ZFHX3: variants seen among roughly 807,000 people sequenced by gnomAD.
ZFHX3 encodes the protein zinc finger homeobox 3, also known as zinc finger homeobox protein 3.
ZFHX3 carries 42 observed loss-of-function variants against 279.1 expected under a neutral mutation model. The observed-to-expected ratio is 0.15, with a 90% CI of 0.12 to 0.19. The LOEUF (loss-of-function observed/expected upper bound fraction) is 0.19, where lower values mean the gene tolerates loss of function less well. ZFHX3 is among the 10% of genes least tolerant of loss of function. The pLI is 1.00. For missense variants in ZFHX3, 4,981 were observed against 4,754.0 expected (o/e 1.05, Z -1.40); for synonymous variants, 2,293 against 1,957.8 (o/e 1.17, Z -4.52).
chr16:73,331,112 G>A (rs926523429), intron 3 of ZFHX3, among the ~76,000 whole-genome samples: 9 of 152,174 alleles, frequency 5.9e-5, no homozygotes, highest in African/African-American at 2.2e-4. Context: ...TTACAATCAT[G>A]GTGGAAGGGG....
chr16:73,430,093 T>C (rs545420786), intron 3 of ZFHX3, among the ~76,000 whole-genome samples: 1 of 152,214 alleles, frequency 6.6e-6, no homozygotes, highest in East Asian at 1.9e-4. Flanking sequence ...TCTTGCTATG[T>C]TGCCCAGGCT....
chr16:73,668,907 T>G (rs899274463), intron 2 of ZFHX3, among the ~76,000 whole-genome samples: 1 of 152,118 alleles, frequency 6.6e-6, no homozygotes, highest in African/African-American at 2.4e-5. Context: ...AAACAACAGA[T>G]GCTGGAGAGG....
chr16:73,724,207 T>A (rs1279234405), intron 1 of ZFHX3, among the ~76,000 whole-genome samples: 3 of 152,204 alleles, frequency 2.0e-5, no homozygotes, highest in Non-Finnish European at 4.4e-5. Flanking sequence ...TACCCTCACA[T>A]AACCAAATAA....
intron 1 of ZFHX3, among the ~76,000 whole-genome samples, chr16:73,849,905 G>A (rs1458463113): frequency 6.6e-6 from 1 of 152,136 alleles, no homozygotes; most frequent in African/African-American, 2.4e-5. Context: ...GCTAATTTTT[G>A]TATTTTTAGT....
intron 3 of ZFHX3, among the ~76,000 whole-genome samples, chr16:73,362,518 C>T (rs1202200810): frequency 6.6e-6 from 1 of 152,194 alleles, no homozygotes; most frequent in Non-Finnish European, 1.5e-5. Context: ...CAGACACACA[C>T]CACACACTTC....
chr16:72,950,389 C>A, intron 3 of ZFHX3, 80 bp downstream of exon 3: 3 of 1,558,528 alleles, frequency 1.9e-6, no homozygotes, highest in South Asian at 1.2e-5. Context: ...TCCGACTCCT[C>A]CCCAGTGCTC....
At chr16:73,412,462 A>G (rs2017490366) in intron 3 of ZFHX3, among the ~76,000 whole-genome samples, 1 of 151,860 alleles carries the variant, frequency 6.6e-6, no homozygotes, top group Non-Finnish European at 1.5e-5. Flanking sequence ...TGTCATGGCC[A>G]TGTTCTTTGT....
intron 3 of ZFHX3, among the ~76,000 whole-genome samples, chr16:72,937,570 G>A (rs1328547405): frequency 2.0e-5 from 3 of 152,188 alleles, no homozygotes; most frequent in Non-Finnish European, 4.4e-5. Flanking sequence ...TGGGCAATGC[G>A]GCCTTGGGCC....
At position 72,787,779 on chromosome 16, in the gene ZFHX3, C is replaced by G. The variant is rs1394097401; in HGVS notation, c.10497G>C (p.Glu3499Asp). 1 of 1,570,366 alleles carries G rather than the reference C, an allele frequency of 6.4e-7. No homozygotes were observed. Among genetic ancestry groups the G allele is most frequent in the Non-Finnish European group, 8.6e-7 (1 of 1,158,508 alleles). The change falls in exon 10 of 10, where the codon GAG becomes GAC. Residue 3499 changes from glutamate (E) to aspartate (D), a missense_variant. Glu to Asp is a conservative substitution (Grantham distance 45). Coordinates refer to ENST00000268489, the MANE Select transcript of ZFHX3 (RefSeq NM_006885.4). ...FFGQSVVNLQ[E>D]MVLHVPTGGG... ...CGCCGGTGGGGACGTGAAGCACCAT[C>G]TCTTGCAGGTTCACCACAGACTGGC... is the stretch of plus-strand genomic sequence containing the variant.
chr16:73,619,499 A>ATT (rs1567534668), intron 2 of ZFHX3, among the ~76,000 whole-genome samples: 1 of 121,260 alleles, frequency 8.2e-6, no homozygotes, highest in African/African-American at 3.7e-5. Flanking sequence ...AAAAAAAAAA[A>ATT]TTATATATAT....
intron 5 of ZFHX3, among the ~76,000 whole-genome samples, chr16:73,189,938 T>TA (rs961276196): frequency 6.0e-5 from 9 of 150,514 alleles, no homozygotes; most frequent in East Asian, 3.9e-4. Flanking sequence ...CTAAAAAAAT[T>TA]AAAAAAAAAA....
At chr16:73,035,229 G>A (rs1011486194) in intron 1 of ZFHX3, among the ~76,000 whole-genome samples, 2 of 152,144 alleles carry the variant, frequency 1.3e-5, no homozygotes, top group Non-Finnish European at 2.9e-5. Flanking sequence ...TAACCTTTTG[G>A]ATATACTGGG....
In ZFHX3 at chr16:72,786,965, G is replaced by T. The variant is rs1234826128; in HGVS notation, c.*199C>A. Reference sequence around the variant, plus strand: ...TTTTTTTTTTAATATTAAAAGAAAAGAAAAAGACAAGAATGTAAAATCACC... The same window carrying T: ...TTTTTTTTTTAATATTAAAAGAAAATAAAAAGACAAGAATGTAAAATCACC... On this transcript the variant is annotated 3_prime_UTR_variant, in exon 10 of 10. Transcript: ENST00000268489. 2.2e-3 allele frequency: 633 copies of T among 286,754 alleles called. No homozygotes were observed. The highest frequency in any genetic ancestry group is 3.0e-3 in the Non-Finnish European group (527 of 174,250). 17.8% of individuals were successfully genotyped at this position (286,754 alleles called of 1,614,324 possible). A position where few individuals can be genotyped will look rare whatever the true frequency, so the allele number is the denominator to read the frequency against.
chr16:73,366,446 CA>C (rs2016529818), intron 3 of ZFHX3, among the ~76,000 whole-genome samples: 1 of 151,926 alleles, frequency 6.6e-6, no homozygotes, highest in African/African-American at 2.4e-5. Flanking sequence ...AAGAGAAAGA[CA>C]GGGGCTGGGC....
chr16:73,633,581 C>G (rs35354967), intron 2 of ZFHX3, among the ~76,000 whole-genome samples: 21,691 of 152,162 alleles, frequency 0.14, 2,107 homozygotes, highest in African/African-American at 0.27. Context: ...CTACATTATT[C>G]TCTGGCTTTT....
intron 6 of ZFHX3, among the ~76,000 whole-genome samples, chr16:73,141,301 G>A (rs1342929396): frequency 6.6e-6 from 1 of 152,034 alleles, no homozygotes; most frequent in African/African-American, 2.4e-5. Context: ...AAGCTCACAC[G>A]CTTTCTGAGA....
At chr16:73,334,340 G>T (rs777747325) in intron 3 of ZFHX3, among the ~76,000 whole-genome samples, 1 of 152,154 alleles carries the variant, frequency 6.6e-6, no homozygotes, top group Non-Finnish European at 1.5e-5. Context: ...ACTGCAGGGG[G>T]TTAAGGAGGA....
intron 1 of ZFHX3, among the ~76,000 whole-genome samples, chr16:73,806,004 G>T (rs1366335971): frequency 6.6e-6 from 1 of 152,196 alleles, no homozygotes; most frequent in African/African-American, 2.4e-5. Context: ...AGTTCCATAT[G>T]GCTCAGCAAG....
At chr16:73,544,087 T>C (rs893310089) in intron 2 of ZFHX3, 2 of 152,102 alleles carry the variant, frequency 1.3e-5, no homozygotes. Context: ...ACTGCAGTAA[T>C]GTAGAAAGGA....
Sources: gnomAD v4.1 joint callset for allele counts (sites outside exome capture counted in the v4.1 genomes callset) on GRCh38, gnomAD v4.1.1 for gene constraint, MANE v1.5 for transcripts, NCBI Gene and HGNC (gene_info 2026-07-23, HGNC 2026-07-21) for gene names.